The following GRIA2 variants were observed in gnomAD, a reference collection of about 807,000 sequenced individuals.
The protein encoded by GRIA2 is glutamate receptor 2.
Under a neutral mutation model 97.3 loss-of-function variants are expected in GRIA2, and 14 were observed. The ratio of observed to expected loss-of-function variants is 0.14; its 90% confidence interval spans 0.10 to 0.23. GRIA2 has a LOEUF of 0.23. GRIA2 is among the 10% of genes least tolerant of loss of function. The pLI, the probability that GRIA2 is intolerant of heterozygous loss-of-function variation, is 1.00. For missense variants in GRIA2, 558 were observed against 1,069.8 expected, an observed-to-expected ratio of 0.52 and a Z score of 6.67; for synonymous variants, 412 against 387.8, an observed-to-expected ratio of 1.06 and a Z score of -0.73.
intron 2 of GRIA2, among the ~76,000 whole-genome samples, chr4:157,283,060 A>G (rs1324878339): frequency 6.6e-6 from 1 of 151,984 alleles, no homozygotes; most frequent in Non-Finnish European, 1.5e-5. Context: ...TGAAATATCT[A>G]CCTCTAGATG....
chr4:157,290,199 A>C (rs1467918467), intron 2 of GRIA2, among the ~76,000 whole-genome samples: 1 of 151,916 alleles, frequency 6.6e-6, no homozygotes, highest in African/African-American at 2.4e-5. Context: ...TTGGTCATGC[A>C]ATTATACAGC....
intron 6 of GRIA2, among the ~76,000 whole-genome samples, chr4:157,325,307 T>G (rs1734754900): frequency 6.6e-6 from 1 of 152,190 alleles, no homozygotes; most frequent in Non-Finnish European, 1.5e-5. Flanking sequence ...TTCTTCATTC[T>G]TACAAACTAT....
intron 2 of GRIA2, among the ~76,000 whole-genome samples, chr4:157,234,316 A>G (rs1730148435): frequency 1.3e-5 from 2 of 152,102 alleles, no homozygotes; most frequent in Admixed American, 6.6e-5. Context: ...AGTTTTCTCT[A>G]TGTAATTTTC....
At chr4:157,287,750 A>G (rs1175083512) in intron 2 of GRIA2, among the ~76,000 whole-genome samples, 4 of 151,260 alleles carry the variant, frequency 2.6e-5, no homozygotes, top group Non-Finnish European at 4.4e-5. Context: ...CCTTTTCACA[A>G]TTCTGTCCTA....
intron 2 of GRIA2, among the ~76,000 whole-genome samples, chr4:157,236,934 T>C (rs1216270820): frequency 3.3e-5 from 5 of 152,166 alleles, no homozygotes; most frequent in Non-Finnish European, 5.9e-5. Flanking sequence ...TTTGTGTCTT[T>C]TTAACCTGTT....
At chr4:157,240,288 T>C (rs908953025) in intron 2 of GRIA2, among the ~76,000 whole-genome samples, 2 of 152,150 alleles carry the variant, frequency 1.3e-5, no homozygotes, top group Non-Finnish European at 2.9e-5. Context: ...TTTTTCATCT[T>C]ACTGAGTATT....
At chr4:157,331,663 T>A (rs571846071) in intron 6 of GRIA2, among the ~76,000 whole-genome samples, 15 of 151,988 alleles carry the variant, frequency 9.9e-5, no homozygotes, top group Non-Finnish European at 1.9e-4. Context: ...TCATCTCAGG[T>A]GAACAACAGA....
At chr4:157,278,385 TTAA>T (rs1732445154) in intron 2 of GRIA2, among the ~76,000 whole-genome samples, 2 of 151,892 alleles carry the variant, frequency 1.3e-5, no homozygotes, top group African/African-American at 4.8e-5. Flanking sequence ...GGTAGTCTTT[TTAA>T]TACATGGTGC....
At chr4:157,317,537 G>T (rs945090816) in intron 4 of GRIA2, 121 bp from the exon 5 acceptor site, 3 of 425,880 alleles carry the variant, frequency 7.0e-6, no homozygotes, top group Non-Finnish European at 1.3e-5. Flanking sequence ...ACTTATTTTG[G>T]CACATCAACA....
chr4:157,262,089 C>T (rs1261946270), intron 2 of GRIA2, among the ~76,000 whole-genome samples: 1 of 151,744 alleles, frequency 6.6e-6, no homozygotes, highest in African/African-American at 2.4e-5. Flanking sequence ...TTTTAATGAC[C>T]AAAATTGTCT....
At chr4:157,356,201 A>ATATATTTATT (rs1736367661) in intron 12 of GRIA2, among the ~76,000 whole-genome samples, 2 of 124,870 alleles carry the variant, frequency 1.6e-5, no homozygotes, top group African/African-American at 2.9e-5. Flanking sequence ...ATATATATTT[A>ATATATTTATT]TATATATATT....
chr4:157,236,653 A>G (rs1389249894), intron 2 of GRIA2, among the ~76,000 whole-genome samples: 1 of 152,158 alleles, frequency 6.6e-6, no homozygotes, highest in African/African-American at 2.4e-5. Context: ...TTACAACCCT[A>G]CCTAGAGTGT....
At chr4:157,328,599 T>C (rs1024178754) in intron 6 of GRIA2, among the ~76,000 whole-genome samples, 1 of 152,048 alleles carries the variant, frequency 6.6e-6, no homozygotes, top group Non-Finnish European at 1.5e-5. Flanking sequence ...TAAGGAAGTC[T>C]TTACCTATGG....
chr4:157,265,265 A>G (rs912315697), intron 2 of GRIA2, among the ~76,000 whole-genome samples: 1 of 152,154 alleles, frequency 6.6e-6, no homozygotes, highest in African/African-American at 2.4e-5. Context: ...ACAAGATGGA[A>G]TATAAACATT....
At chr4:157,242,630 T>C (rs1389228124) in intron 2 of GRIA2, among the ~76,000 whole-genome samples, 2 of 152,116 alleles carry the variant, frequency 1.3e-5, no homozygotes, top group African/African-American at 4.8e-5. Context: ...TTTACAGTAG[T>C]TATGTTCTAA....
At position 157,221,326 on chromosome 4, in the gene GRIA2, G is replaced by T. The variant is rs998099385; in HGVS notation, c.88+196G>T. 2.8e-5 allele frequency: 16 copies of T among 565,642 alleles called. No individual in the cohort carries two copies. The African/African-American group carries it at 2.8e-4, about 10-fold the overall frequency. The allele number at this position is 565,642 out of a possible 1,614,324, so 35.0% of individuals were successfully genotyped here. On this transcript the variant is annotated intron_variant, in intron 1 of 15. Coordinates refer to ENST00000264426, the MANE Select transcript of GRIA2 (RefSeq NM_001083619.3). ...AGACTATGCCTTTGATACAATAGAAGAAAAGGTCCTCTCATTTCGGATCCC... is the reference window on the plus strand; with the variant it reads ...AGACTATGCCTTTGATACAATAGAATAAAAGGTCCTCTCATTTCGGATCCC...
At chr4:157,350,849 A>G (rs565872077) in intron 12 of GRIA2, among the ~76,000 whole-genome samples, 1 of 151,172 alleles carries the variant, frequency 6.6e-6, no homozygotes, top group Non-Finnish European at 1.5e-5. Context: ...AGCCTCATGT[A>G]TTCCATTCTA....
intron 6 of GRIA2, among the ~76,000 whole-genome samples, chr4:157,323,336 C>CAAAAAAAA (rs779080483): frequency 9.7e-5 from 5 of 51,474 alleles, no homozygotes; most frequent in Admixed American, 3.6e-4. Context: ...GACTCTGTCT[C>CAAAAAAAA]AAAAAAAAAA....
Position 157,356,773 on chromosome 4 carries a change from A to G in GRIA2, c.2044-3123A>G, listed in dbSNP as rs181756236. Among the ~76,000 whole-genome samples the G allele has an allele frequency of 6.1e-3, 928 of 152,230 alleles. 5 individuals carry two copies. Among genetic ancestry groups the G allele is most frequent in the Non-Finnish European group, 9.5e-3 (646 of 68,010 alleles). Reference sequence around the variant, plus strand: ...TTTTTAGTGTATTTGTAAATATATTATAAGAAATAAGTGGTCAAGAGGCTG... The same window carrying G: ...TTTTTAGTGTATTTGTAAATATATTGTAAGAAATAAGTGGTCAAGAGGCTG... On this transcript the variant is annotated intron_variant, in intron 12 of 15. Coordinates refer to ENST00000264426, the MANE Select transcript of GRIA2 (RefSeq NM_001083619.3).
Sources: allele counts gnomAD v4.1 joint callset (sites outside exome capture counted in the v4.1 genomes callset), GRCh38; gene constraint gnomAD v4.1.1; transcripts MANE v1.5; gene names NCBI Gene and HGNC (gene_info 2026-07-23, HGNC 2026-07-21).